MALRD1: variants seen among roughly 807,000 people sequenced by gnomAD.
MALRD1 encodes the protein MAM and LDL receptor class A domain containing 1, also known as MAM and LDL-receptor class A domain-containing protein 1.
MALRD1 carries 247 observed loss-of-function variants against 242.1 expected under a neutral mutation model. The observed-to-expected ratio is 1.02, with a 90% CI of 0.92 to 1.13. The LOEUF (loss-of-function observed/expected upper bound fraction) is 1.13, where lower values mean the gene tolerates loss of function less well. MALRD1 is among the 50% of genes most tolerant of loss of function. The pLI is 0.00. For synonymous variants in MALRD1, 995 were observed against 866.6 expected, an observed-to-expected ratio of 1.15 and a Z score of -2.60; for missense variants, 2,989 against 2,533.1, an observed-to-expected ratio of 1.18 and a Z score of -3.86.
chr10:19,289,365 G>A (rs1447478796), intron 21 of MALRD1, among the ~76,000 whole-genome samples: 5 of 152,292 alleles, frequency 3.3e-5, no homozygotes, highest in Admixed American at 2.6e-4. Context: ...TTATTTTCAA[G>A]TGTCTGGTGC....
At chr10:19,287,706 A>G (rs2131906043) in intron 21 of MALRD1, among the ~76,000 whole-genome samples, 1 of 152,256 alleles carries the variant, frequency 6.6e-6, no homozygotes, top group South Asian at 2.1e-4. Context: ...CATAAATTTA[A>G]AAACTATACC....
chr10:19,192,591 C>A (rs916236592), intron 14 of MALRD1, among the ~76,000 whole-genome samples: 4 of 152,112 alleles, frequency 2.6e-5, no homozygotes, highest in Admixed American at 1.3e-4. Flanking sequence ...GATTTCCCCC[C>A]ACAGCCTCCA....
At chr10:19,271,559 C>T (rs534217705) in intron 19 of MALRD1, among the ~76,000 whole-genome samples, 3 of 152,162 alleles carry the variant, frequency 2.0e-5, no homozygotes, top group Non-Finnish European at 4.4e-5. Flanking sequence ...GGTCAGAGAT[C>T]GAGACCATCC....
intron 29 of MALRD1, among the ~76,000 whole-genome samples, chr10:19,475,393 C>T (rs1342387834): frequency 3.3e-5 from 5 of 152,136 alleles, no homozygotes; most frequent in East Asian, 1.9e-4. Context: ...CCAGCCTGGG[C>T]GACAGAGTAA....
Position 19,352,316 on chromosome 10 carries a change from G to A in MALRD1, c.4441+19G>A, listed in dbSNP as rs1249482297. On this transcript the variant is annotated intron_variant, in intron 26 of 39. Transcript: ENST00000454679. ...CCAACAGGTACATTCTAATCTGTGTGTGTGTGTGGTATTTTTGCATGGTGA... is the reference window on the plus strand; with the variant it reads ...CCAACAGGTACATTCTAATCTGTGTATGTGTGTGGTATTTTTGCATGGTGA... The A allele has an allele frequency of 2.6e-6, 4 of 1,535,990 alleles. No individual in the cohort carries two copies. The highest frequency in any genetic ancestry group is 3.5e-6 in the Non-Finnish European group (4 of 1,135,442).
chr10:19,670,667 A>C (rs1423224913), intron 36 of MALRD1, among the ~76,000 whole-genome samples: 1 of 152,172 alleles, frequency 6.6e-6, no homozygotes. Context: ...CTGGCACTAC[A>C]ACACCCCTGA....
At chr10:19,174,743 T>C (rs1218591630) in intron 13 of MALRD1, among the ~76,000 whole-genome samples, 1 of 152,122 alleles carries the variant, frequency 6.6e-6, no homozygotes, top group Non-Finnish European at 1.5e-5. Context: ...ACAGTGAGTA[T>C]GTTTCTGTGT....
At position 19,087,876 on chromosome 10, in the gene MALRD1, T is replaced by C; in HGVS notation, c.377T>C (p.Ile126Thr). 2 of 1,233,340 alleles carry C rather than the reference T, an allele frequency of 1.6e-6. No homozygotes were observed. Among genetic ancestry groups the C allele is most frequent in the Non-Finnish European group, 1.0e-6 (1 of 987,746 alleles). The allele number at this position is 1,233,340 out of a possible 1,614,324, so 76.4% of individuals were successfully genotyped here. Reference protein sequence around the residue: ...FLSLVSRVDSISSSLRSRVFL... With the variant: ...FLSLVSRVDSTSSSLRSRVFL... ...TCACTGGTTTCCAGAGTGGATTCTA[T>C]TTCCTCAAGTTTAAGAAGCAGAGTT... Residue 126 changes from isoleucine (I) to threonine (T), a missense_variant, in exon 3 of 40, where the codon ATT becomes ACT. Transcript: ENST00000454679.
intron 28 of MALRD1, among the ~76,000 whole-genome samples, chr10:19,439,782 T>C (rs1404202686): frequency 2.0e-5 from 3 of 152,198 alleles, no homozygotes; most frequent in Non-Finnish European, 4.4e-5. Flanking sequence ...TTGTATTGTG[T>C]GTATTTTATT....
At chr10:19,557,892 C>T (rs1224295663) in intron 32 of MALRD1, among the ~76,000 whole-genome samples, 4 of 151,992 alleles carry the variant, frequency 2.6e-5, no homozygotes, top group African/African-American at 9.7e-5. Flanking sequence ...ATTGAGTCTT[C>T]CTCATGAAAT....
intron 8 of MALRD1, among the ~76,000 whole-genome samples, chr10:19,131,560 T>G (rs911344825): frequency 3.9e-5 from 6 of 152,170 alleles, no homozygotes; most frequent in African/African-American, 1.4e-4. Flanking sequence ...TAAATTTACA[T>G]GTAATTTTTC....
intron 29 of MALRD1, among the ~76,000 whole-genome samples, chr10:19,478,438 A>G (rs930259437): frequency 2.6e-5 from 4 of 152,170 alleles, no homozygotes; most frequent in Non-Finnish European, 4.4e-5. Flanking sequence ...CAATATAGCA[A>G]TTAGAAAATA....
At chr10:19,313,669 G>A (rs58903146) in intron 21 of MALRD1, among the ~76,000 whole-genome samples, 3,157 of 151,516 alleles carry the variant, frequency 0.021, 99 homozygotes, top group African/African-American at 0.071. Flanking sequence ...GGTCTAATAC[G>A]TATTTACTGA....
chr10:19,337,693 G>C (rs1220532184), intron 24 of MALRD1, among the ~76,000 whole-genome samples: 1 of 151,922 alleles, frequency 6.6e-6, no homozygotes, highest in Non-Finnish European at 1.5e-5. Context: ...TCATTTTGTA[G>C]GTTGTCTTTT....
chr10:19,380,473 GTTC>G (rs896550773), intron 26 of MALRD1, among the ~76,000 whole-genome samples: 1 of 151,526 alleles, frequency 6.6e-6, no homozygotes, highest in Non-Finnish European at 1.5e-5. Flanking sequence ...TTTTGCTTAC[GTTC>G]TTATTTCTTT....
At chr10:19,088,593 T>TTTTTTA (rs1835770544) in intron 4 of MALRD1, among the ~76,000 whole-genome samples, 4 of 85,740 alleles carry the variant, frequency 4.7e-5, no homozygotes, top group African/African-American at 2.4e-4. Context: ...TTATTTATTT[T>TTTTTTA]TTTTTATTAT....
chr10:19,585,632 G>A (rs938240110), intron 33 of MALRD1, among the ~76,000 whole-genome samples: 2 of 152,152 alleles, frequency 1.3e-5, no homozygotes, highest in South Asian at 2.1e-4. Flanking sequence ...TAGGTAACCC[G>A]ACCTTTCTTT....
intron 5 of MALRD1, among the ~76,000 whole-genome samples, chr10:19,113,804 C>G (rs1175459196): frequency 7.1e-6 from 1 of 141,238 alleles, no homozygotes; most frequent in Non-Finnish European, 1.5e-5. Flanking sequence ...CACACACACA[C>G]ACACACACAC....
chr10:19,069,726 A>ACTAG (rs1835085069), intron 2 of MALRD1, among the ~76,000 whole-genome samples: 3 of 148,078 alleles, frequency 2.0e-5, no homozygotes, highest in Non-Finnish European at 4.5e-5. Context: ...GTCTTCACCT[A>ACTAG]GTTTCTACTG....
Sources: allele counts gnomAD v4.1 joint callset (sites outside exome capture counted in the v4.1 genomes callset), GRCh38; gene constraint gnomAD v4.1.1; transcripts MANE v1.5; gene names NCBI Gene and HGNC (gene_info 2026-07-23, HGNC 2026-07-21).